Variants in MYRIP observed in about 807,000 individuals in gnomAD.
MYRIP encodes the protein myosin VIIA and Rab interacting protein.
Under a neutral mutation model 98.0 loss-of-function variants are expected in MYRIP, and 49 were observed. That is an observed-to-expected ratio of 0.50 (90% CI 0.40 to 0.63). The LOEUF is 0.63. MYRIP is among the 30% of genes least tolerant of loss of function. MYRIP has a pLI of 0.00. For synonymous variants in MYRIP, 404 were observed against 409.5 expected (o/e 0.99, Z 0.16); for missense variants, 1,004 against 1,058.2 (o/e 0.95, Z 0.71).
At chr3:39,932,197 C>A (rs1017270088) in intron 2 of MYRIP, among the ~76,000 whole-genome samples, 23 of 152,116 alleles carry the variant, frequency 1.5e-4, no homozygotes, top group Non-Finnish European at 2.6e-4. Flanking sequence ...CTGGAAGAAC[C>A]ATTCCAAAAC....
In MYRIP at chr3:39,837,006, C is replaced by T. The variant is rs568529340; in HGVS notation, c.-31+27090C>T. 5.3e-5 allele frequency among the ~76,000 whole-genome samples: 8 copies of T among 152,192 alleles called. No individual in the cohort carries two copies. The East Asian group carries it at 1.3e-3, about 26-fold the overall frequency. Reference sequence around the variant, plus strand: ...CTAGCATTTACCCTATGACCTAATGCTGTAAGGTAAGACCCAGTCGCTTTC... The same window carrying T: ...CTAGCATTTACCCTATGACCTAATGTTGTAAGGTAAGACCCAGTCGCTTTC... On this transcript the variant is annotated intron_variant, in intron 1 of 16. Coordinates refer to ENST00000302541, the MANE Select transcript of MYRIP (RefSeq NM_015460.4).
chr3:40,136,052 A>C (rs1949758656), intron 3 of MYRIP, among the ~76,000 whole-genome samples: 1 of 152,244 alleles, frequency 6.6e-6, no homozygotes, highest in Non-Finnish European at 1.5e-5. Flanking sequence ...TTAAATGTAA[A>C]TGGGCTAAAT....
intron 1 of MYRIP, among the ~76,000 whole-genome samples, chr3:39,830,643 T>C (rs1358372060): frequency 6.6e-6 from 1 of 152,162 alleles, no homozygotes; most frequent in African/African-American, 2.4e-5. Context: ...GGAGCCCACC[T>C]TCTTCAAATA....
chr3:40,101,967 C>T (rs557682637), intron 3 of MYRIP, among the ~76,000 whole-genome samples: 2 of 152,302 alleles, frequency 1.3e-5, no homozygotes, highest in East Asian at 3.9e-4. Flanking sequence ...GATGATCTGG[C>T]TGGACTGTTT....
chr3:40,080,449 T>TG (rs1948449254), intron 3 of MYRIP, among the ~76,000 whole-genome samples: 1 of 152,116 alleles, frequency 6.6e-6, no homozygotes, highest in Admixed American at 6.5e-5. Context: ...TAAGGCGCTA[T>TG]GCCTTCTTTT....
At chr3:39,871,684 CATT>C (rs960052547) in intron 1 of MYRIP, among the ~76,000 whole-genome samples, 6 of 152,068 alleles carry the variant, frequency 3.9e-5, no homozygotes, top group African/African-American at 1.4e-4. Flanking sequence ...TAGCTACTAT[CATT>C]ATTATTAATG....
intron 4 of MYRIP, among the ~76,000 whole-genome samples, chr3:40,155,118 T>A (rs148304676): frequency 0.034 from 5,127 of 150,812 alleles, 161 homozygotes; most frequent in East Asian, 0.21. Flanking sequence ...ATTAGGTATA[T>A]CTCCTAACGC....
chr3:40,252,212 C>A (rs192253580), intron 16 of MYRIP, among the ~76,000 whole-genome samples: 5 of 152,268 alleles, frequency 3.3e-5, no homozygotes, highest in Non-Finnish European at 7.4e-5. Flanking sequence ...CACACACACA[C>A]CGCCGGTCAC....
intron 2 of MYRIP, among the ~76,000 whole-genome samples, chr3:40,022,548 G>A (rs1200520715): frequency 1.3e-5 from 2 of 152,168 alleles, no homozygotes; most frequent in African/African-American, 2.4e-5. Flanking sequence ...TATTCATGGA[G>A]GCATTGTTTT....
chr3:40,088,767 A>G (rs1281729560), intron 3 of MYRIP, among the ~76,000 whole-genome samples: 1 of 152,220 alleles, frequency 6.6e-6, no homozygotes, highest in African/African-American at 2.4e-5. Flanking sequence ...CAGCCCTGGT[A>G]GGGAGTAGGA....
At chr3:39,930,052 C>T (rs1166675696) in intron 2 of MYRIP, among the ~76,000 whole-genome samples, 1 of 151,932 alleles carries the variant, frequency 6.6e-6, no homozygotes, top group African/African-American at 2.4e-5. Context: ...AAATATGTTT[C>T]ACCTCTCTTG....
intron 7 of MYRIP, among the ~76,000 whole-genome samples, chr3:40,167,816 G>A (rs371470505): frequency 3.3e-5 from 5 of 152,106 alleles, no homozygotes; most frequent in South Asian, 2.1e-4. Flanking sequence ...TACCATTACC[G>A]GTTTAATATA....
At chr3:40,081,189 C>T (rs1948471590) in intron 3 of MYRIP, among the ~76,000 whole-genome samples, 1 of 152,000 alleles carries the variant, frequency 6.6e-6, no homozygotes, top group African/African-American at 2.4e-5. Flanking sequence ...TCACAGGTGC[C>T]TGAGGAGAAT....
intron 1 of MYRIP, among the ~76,000 whole-genome samples, chr3:39,861,960 G>C (rs954513297): frequency 6.6e-6 from 1 of 152,124 alleles, no homozygotes; most frequent in African/African-American, 2.4e-5. Context: ...TTGCCAGAGA[G>C]GCCAACATTC....
At position 40,189,695 on chromosome 3, in the gene MYRIP, T is replaced by A. The variant is rs1394350570; in HGVS notation, c.1028-131T>A. On this transcript the variant is annotated intron_variant, in intron 9 of 16. Transcript: ENST00000302541. ...TGCCCACCAATTGGGTTTGCCTTCC[T>A]GGGCTTCCTAAAGGCAACTGCTCTC... 3 of 984,128 alleles carry A rather than the reference T, an allele frequency of 3.0e-6. No individual in the cohort carries two copies. The East Asian group carries it at 7.3e-5, about 24-fold the overall frequency. 61.0% of individuals were successfully genotyped at this position (984,128 alleles called of 1,614,324 possible).
At chr3:39,898,514 C>A (rs574970550) in intron 1 of MYRIP, among the ~76,000 whole-genome samples, 116 of 152,052 alleles carry the variant, frequency 7.6e-4, no homozygotes, top group Non-Finnish European at 1.5e-3. Flanking sequence ...AAAAAGGGGG[C>A]AGGGAACTCT....
chr3:39,986,651 G>T (rs1324571876), intron 2 of MYRIP, among the ~76,000 whole-genome samples: 1 of 152,162 alleles, frequency 6.6e-6, no homozygotes, highest in African/African-American at 2.4e-5. Context: ...CCATGGCTCT[G>T]AGTGTTGATC....
intron 2 of MYRIP, among the ~76,000 whole-genome samples, chr3:39,948,814 T>C (rs2125715994): frequency 6.6e-6 from 1 of 152,220 alleles, no homozygotes; most frequent in Admixed American, 6.5e-5. Flanking sequence ...CAGAAATTCC[T>C]AAGGAGGATA....
chr3:39,894,209 A>G (rs982700647), intron 1 of MYRIP, among the ~76,000 whole-genome samples: 3 of 152,246 alleles, frequency 2.0e-5, no homozygotes, highest in African/African-American at 7.2e-5. Context: ...ATAAGTATAT[A>G]GTGAAATTAA....
Sources: allele counts gnomAD v4.1 joint callset (sites outside exome capture counted in the v4.1 genomes callset), GRCh38; gene constraint gnomAD v4.1.1; transcripts MANE v1.5; gene names NCBI Gene and HGNC (gene_info 2026-07-23, HGNC 2026-07-21).